PTGES3: variants seen among roughly 807,000 people sequenced by gnomAD.
The protein encoded by PTGES3 is Hsp90 co-chaperone.
PTGES3 carries 5 observed loss-of-function variants against 29.9 expected under a neutral mutation model. The ratio of observed to expected loss-of-function variants is 0.17; its 90% CI spans 0.09 to 0.35. PTGES3 has a LOEUF of 0.35. Ranked by LOEUF, PTGES3 falls within the 10% of genes least tolerant of loss-of-function variation. The probability of loss-of-function intolerance (pLI) is 1.00; values close to 1 mark genes in which losing one functional copy is unlikely to be tolerated. For missense variants in PTGES3, 128 were observed against 190.0 expected (o/e 0.67, Z 1.92); for synonymous variants, 49 against 57.8 (o/e 0.85, Z 0.69).
rs568240869 is a variant in PTGES3, at chr12:56,687,718, C to T, written c.2+280G>A. 3.3e-5 allele frequency: 45 copies of T among 1,353,218 alleles called. No individual in the cohort carries two copies. The African/African-American group carries it at 5.2e-4, about 16-fold the overall frequency. The allele number at this position is 1,353,218 out of a possible 1,614,324, so 83.8% of individuals were successfully genotyped here. A position where few individuals can be genotyped will look rare whatever the true frequency, so the allele number is the denominator to read the frequency against. ...AGCTTAAGGCCTAGGGTGAAGTTAC[C>T]GAAAGAGGCGAGTAACCCAGACAGC... On this transcript the variant is annotated intron_variant, in intron 1 of 7. Coordinates refer to ENST00000262033, the MANE Select transcript of PTGES3 (RefSeq NM_006601.7).
intron 1 of PTGES3, among the ~76,000 whole-genome samples, chr12:56,687,082 C>T (rs1046263085): frequency 3.6e-4 from 54 of 150,696 alleles, no homozygotes; most frequent in Non-Finnish European, 2.9e-4. Context: ...AGAATTCTTA[C>T]CGGTTAAAAT....
Position 56,673,029 on chromosome 12 carries a change from G to C in PTGES3, c.39C>G (p.Asp13Glu). The C allele has an allele frequency of 9.9e-6, 16 of 1,609,232 alleles. No homozygotes were observed. Among genetic ancestry groups the C allele is most frequent in the Non-Finnish European group, 1.4e-5 (16 of 1,178,872 alleles). ...CAACACAAAATTCAATGAAGACATA[G>C]TCCCTTCGATCGTACCACTTTGCAG... Reference protein sequence around the residue: ...PASAKWYDRRDYVFIEFCVED... With the variant: ...PASAKWYDRREYVFIEFCVED... Residue 13 changes from aspartate to glutamate, a missense_variant, in exon 2 of 8, where the codon GAC (aspartate) becomes GAG (glutamate). By Grantham distance (45) the Asp-to-Glu change is conservative (BLOSUM62 2). Coordinates refer to ENST00000262033, the MANE Select transcript of PTGES3 (RefSeq NM_006601.7).
chr12:56,675,687 G>C (rs1258597841), intron 1 of PTGES3, among the ~76,000 whole-genome samples: 1 of 152,060 alleles, frequency 6.6e-6, no homozygotes, highest in Non-Finnish European at 1.5e-5. Context: ...TTGGGAGGCT[G>C]AGATGGGTGC....
intron 1 of PTGES3, among the ~76,000 whole-genome samples, chr12:56,677,791 C>T (rs1430337402): frequency 6.6e-6 from 1 of 152,018 alleles, no homozygotes; most frequent in Non-Finnish European, 1.5e-5. Context: ...AACTGAACAA[C>T]CTGAAACTAA....
At chr12:56,664,894 C>G in intron 6 of PTGES3, 94 bp from the exon 7 acceptor site, 1 of 1,540,518 alleles carries the variant, frequency 6.5e-7, no homozygotes, top group Non-Finnish European at 8.7e-7. Context: ...ATATTTTTGA[C>G]TAAAGTAGCA....
intron 1 of PTGES3, among the ~76,000 whole-genome samples, chr12:56,684,094 G>A (rs1196142646): frequency 6.6e-6 from 1 of 152,022 alleles, no homozygotes. Context: ...TTGAGCTCAC[G>A]TAAATATGAT....
At chr12:56,686,372 A>C (rs981573273) in intron 1 of PTGES3, among the ~76,000 whole-genome samples, 9 of 90,166 alleles carry the variant, frequency 1.0e-4, no homozygotes, top group Non-Finnish European at 2.0e-4. Flanking sequence ...ATATACATTC[A>C]AATTTATTTA....
intron 7 of PTGES3, 32 bp downstream of exon 7, chr12:56,664,744 A>G: frequency 6.4e-7 from 1 of 1,570,354 alleles, no homozygotes; most frequent in Admixed American, 1.9e-5. Flanking sequence ...GCAAAGTATC[A>G]CTGTATAAAC....
At chr12:56,664,566 A>G in intron 7 of PTGES3, 68 bp from the exon 8 acceptor site, 1 of 1,522,510 alleles carries the variant, frequency 6.6e-7, no homozygotes, top group Non-Finnish European at 8.9e-7. Context: ...ACTGTCTTAA[A>G]GGAAAAGCAA....
chr12:56,673,542 C>T (rs1185871114), intron 1 of PTGES3, among the ~76,000 whole-genome samples: 1 of 148,016 alleles, frequency 6.8e-6, no homozygotes, highest in African/African-American at 2.5e-5. Flanking sequence ...GCCTGTAATC[C>T]CAGCACTTTG....
chr12:56,687,795 G>C (rs1048673980), intron 1 of PTGES3: 5 of 1,432,722 alleles, frequency 3.5e-6, no homozygotes, highest in Non-Finnish European at 4.6e-6. Flanking sequence ...GAACGGTTCA[G>C]GGGTGGGGGA....
intron 5 of PTGES3, among the ~76,000 whole-genome samples, chr12:56,666,877 T>C (rs1052534682): frequency 2.6e-5 from 4 of 152,198 alleles, no homozygotes; most frequent in South Asian, 2.1e-4. Context: ...TCCACCCACC[T>C]TGGCCTCCCA....
rs1951675535 is a variant in PTGES3 at position 56,663,367 on chromosome 12, TTA to T, written c.*1110_*1111del. 1 of 152,194 alleles carries T rather than the reference TTA, an allele frequency of 6.6e-6. No individual in the cohort carries two copies. Among genetic ancestry groups the T allele is most frequent in the Admixed American group, 6.5e-5 (1 of 15,272 alleles). 9.4% of individuals were successfully genotyped at this position (152,194 alleles called of 1,614,324 possible). A position where few individuals can be genotyped will look rare whatever the true frequency, so the allele number is the denominator to read the frequency against. ...TCAAAGATTTAGGAGGACAACACATTTAGTTTTATTTCAATCAAATCACACAA... is the reference window on the plus strand; with the variant it reads ...TCAAAGATTTAGGAGGACAACACATTGTTTTATTTCAATCAAATCACACAA... On this transcript the variant is annotated 3_prime_UTR_variant, in exon 8 of 8. Coordinates refer to ENST00000262033, the MANE Select transcript of PTGES3 (RefSeq NM_006601.7).
chr12:56,680,029 AAGG>A (rs1442423348), intron 1 of PTGES3, among the ~76,000 whole-genome samples: 3 of 152,014 alleles, frequency 2.0e-5, no homozygotes, highest in African/African-American at 4.8e-5. Context: ...TGGAAGGCAA[AAGG>A]AGATTTCATA....
chr12:56,682,038 G>A (rs534625325), intron 1 of PTGES3, among the ~76,000 whole-genome samples: 1 of 152,164 alleles, frequency 6.6e-6, no homozygotes, highest in East Asian at 2.0e-4. Flanking sequence ...GTAGAGACAG[G>A]GTTTCACCAT....
At chr12:56,668,834 T>C (rs912455411) in intron 5 of PTGES3, among the ~76,000 whole-genome samples, 5 of 152,150 alleles carry the variant, frequency 3.3e-5, no homozygotes, top group Admixed American at 1.3e-4. Flanking sequence ...TATACACTAA[T>C]GTTCTTTCTG....
chr12:56,671,250 T>C (rs1951992784), intron 4 of PTGES3, among the ~76,000 whole-genome samples: 1 of 152,018 alleles, frequency 6.6e-6, no homozygotes, highest in Non-Finnish European at 1.5e-5. Context: ...ATACAAAAAT[T>C]AGCCAGGTGT....
chr12:56,672,643 T>A (rs1289791396), intron 3 of PTGES3, 97 bp downstream of exon 3: 4 of 1,349,942 alleles, frequency 3.0e-6, no homozygotes, highest in Non-Finnish European at 3.9e-6. Context: ...GCCTCACTGT[T>A]AAGAAAAACA....
intron 5 of PTGES3, 138 bp downstream of exon 5, chr12:56,670,137 C>T (rs1951947310): frequency 3.3e-6 from 2 of 604,202 alleles, no homozygotes; most frequent in African/African-American, 1.9e-5. Context: ...CATCTATTTA[C>T]TATGACTGCA....
Sources: allele counts gnomAD v4.1 joint callset (sites outside exome capture counted in the v4.1 genomes callset), GRCh38; gene constraint gnomAD v4.1.1; transcripts MANE v1.5; gene names NCBI Gene and HGNC (gene_info 2026-07-23, HGNC 2026-07-21).